The following CDK19 variants were observed in gnomAD, a reference collection of about 807,000 sequenced individuals.
CDK19 encodes cyclin dependent kinase 19, also known as cyclin-dependent kinase 19.
Under a neutral mutation model 68.3 loss-of-function variants are expected in CDK19, and 20 were observed. That is an observed-to-expected ratio of 0.29 (90% CI 0.21 to 0.43). The LOEUF (loss-of-function observed/expected upper bound fraction) is 0.43. CDK19 is among the 20% of genes least tolerant of loss of function. CDK19 has a pLI of 1.00. For synonymous variants in CDK19, 221 were observed against 222.8 expected, an observed-to-expected ratio of 0.99 and a Z score of 0.07; for missense variants, 339 against 623.5, an observed-to-expected ratio of 0.54 and a Z score of 4.86.
At chr6:110,614,691 G>GA in intron 12 of CDK19, 25 bp from the exon 13 acceptor site, 1 of 1,612,844 alleles carries the variant, frequency 6.2e-7, no homozygotes, top group South Asian at 1.1e-5. Flanking sequence ...CAGGAAAAGG[G>GA]AATTACTGAT....
intron 4 of CDK19, chr6:110,643,121 A>C: frequency 9.0e-7 from 1 of 1,108,234 alleles, no homozygotes; most frequent in South Asian, 1.4e-5. Context: ...AAGACCTTCA[A>C]GGGCACTAAA....
At chr6:110,718,638 CAAAAA>C (rs34228815) in intron 2 of CDK19, among the ~76,000 whole-genome samples, 4 of 125,770 alleles carry the variant, frequency 3.2e-5, no homozygotes, top group Non-Finnish European at 6.8e-5. Context: ...CTTCAAAGTC[CAAAAA>C]AAAAAAAAAA....
intron 1 of CDK19, among the ~76,000 whole-genome samples, chr6:110,768,763 G>C (rs1779765651): frequency 6.6e-6 from 1 of 152,144 alleles, no homozygotes; most frequent in Non-Finnish European, 1.5e-5. Flanking sequence ...GTGATGTTTA[G>C]GGCAGTGAGC....
intron 4 of CDK19, 100 bp downstream of exon 4, chr6:110,667,334 T>G (rs1415199585): frequency 1.3e-6 from 1 of 779,764 alleles, no homozygotes; most frequent in East Asian, 3.1e-5. Flanking sequence ...TTCAAGTTTT[T>G]CTATAATTAA....
chr6:110,799,144 T>TAAAAAA (rs369106433), intron 1 of CDK19, among the ~76,000 whole-genome samples: 4 of 49,138 alleles, frequency 8.1e-5, no homozygotes, highest in African/African-American at 3.6e-4. Flanking sequence ...ACCCTGTATT[T>TAAAAAA]AAAAAAAAAA....
intron 2 of CDK19, among the ~76,000 whole-genome samples, chr6:110,686,214 T>TA (rs1772465519): frequency 6.6e-6 from 1 of 152,142 alleles, no homozygotes; most frequent in Non-Finnish European, 1.5e-5. Context: ...AAATTACAGT[T>TA]ATGGTGAGGC....
In CDK19 at chr6:110,702,400, C is replaced by T. The variant is rs371851482; in HGVS notation, c.205-31859G>A. 8.2e-4 allele frequency among the ~76,000 whole-genome samples: 124 copies of T among 152,142 alleles called. 1 individual carries two copies. In the East Asian group the frequency reaches 0.011, roughly 14 times the overall value. On this transcript the variant is annotated intron_variant, in intron 2 of 12. Coordinates refer to ENST00000368911, the MANE Select transcript of CDK19 (RefSeq NM_015076.5). Reference sequence around the variant, plus strand: ...GGTGGTTGAGGCTACAGAGTTGTGACTGTGCCACTGCACTGCAGCCCGGGC... The same window carrying T: ...GGTGGTTGAGGCTACAGAGTTGTGATTGTGCCACTGCACTGCAGCCCGGGC...
intron 1 of CDK19, 130 bp from the exon 2 acceptor site, chr6:110,746,331 C>T: frequency 2.0e-6 from 1 of 490,236 alleles, no homozygotes; most frequent in Non-Finnish European, 3.6e-6. Context: ...CCATGTATTG[C>T]TTATTATTTT....
intron 1 of CDK19, among the ~76,000 whole-genome samples, chr6:110,776,199 C>G (rs802667): frequency 6.6e-6 from 1 of 151,970 alleles, no homozygotes; most frequent in Non-Finnish European, 1.5e-5. Flanking sequence ...GAGACTGAGG[C>G]AGGTGGATCA....
intron 12 of CDK19, among the ~76,000 whole-genome samples, chr6:110,617,662 T>TATATACACACACACAC (rs755618032): frequency 7.0e-4 from 75 of 107,150 alleles, no homozygotes; most frequent in South Asian, 9.7e-4. Flanking sequence ...TATATATATA[T>TATATACACACACACAC]ACACACACAC....
intron 2 of CDK19, among the ~76,000 whole-genome samples, chr6:110,675,761 G>A (rs374753908): frequency 4.6e-5 from 7 of 152,158 alleles, no homozygotes; most frequent in African/African-American, 1.7e-4. Context: ...CCACTATTCG[G>A]ACTGACTACC....
chr6:110,746,231 C>T (rs1778067734), intron 1 of CDK19, 30 bp from the exon 2 acceptor site: 3 of 1,327,568 alleles, frequency 2.3e-6, no homozygotes, highest in Non-Finnish European at 3.2e-6. Flanking sequence ...CATCATTTTT[C>T]CATATATCAC....
At chr6:110,772,484 T>C (rs2114998363) in intron 1 of CDK19, among the ~76,000 whole-genome samples, 1 of 152,130 alleles carries the variant, frequency 6.6e-6, no homozygotes, top group Middle Eastern at 3.4e-3. Flanking sequence ...AGCCAAACCA[T>C]ATCACACTTA....
intron 4 of CDK19, among the ~76,000 whole-genome samples, chr6:110,648,867 G>A (rs1342310143): frequency 2.0e-5 from 3 of 151,974 alleles, no homozygotes; most frequent in Non-Finnish European, 4.4e-5. Context: ...ACAGGTGCCC[G>A]CCGCCATACC....
chr6:110,730,421 A>G (rs1037900798), intron 2 of CDK19, among the ~76,000 whole-genome samples: 6 of 152,216 alleles, frequency 3.9e-5, no homozygotes, highest in African/African-American at 1.4e-4. Context: ...TTTAAACAAC[A>G]AAGTTATACT....
chr6:110,755,281 C>T (rs1300225978), intron 1 of CDK19, among the ~76,000 whole-genome samples: 1 of 151,916 alleles, frequency 6.6e-6, no homozygotes, highest in Non-Finnish European at 1.5e-5. Context: ...CCTCAGGTGA[C>T]CCGCTTGCCT....
At chr6:110,739,228 AG>A (rs1157166663) in intron 2 of CDK19, among the ~76,000 whole-genome samples, 17 of 152,218 alleles carry the variant, frequency 1.1e-4, no homozygotes, top group Non-Finnish European at 1.2e-4. Flanking sequence ...GGAGGTGACT[AG>A]GTCACGAGGA....
At chr6:110,638,935 A>C (rs540951855) in intron 4 of CDK19, among the ~76,000 whole-genome samples, 65 of 152,360 alleles carry the variant, frequency 4.3e-4, no homozygotes, top group African/African-American at 1.5e-3. Context: ...AAATTATATC[A>C]TACAAATAAT....
intron 4 of CDK19, chr6:110,646,628 CAA>C: frequency 1.7e-6 from 1 of 597,220 alleles, no homozygotes. Flanking sequence ...TCGGAAAAGA[CAA>C]AGTTAGTTTT....
Sources: gnomAD v4.1 joint callset for allele counts (sites outside exome capture counted in the v4.1 genomes callset) on GRCh38, gnomAD v4.1.1 for gene constraint, MANE v1.5 for transcripts, NCBI Gene and HGNC (gene_info 2026-07-23, HGNC 2026-07-21) for gene names.